ADGRB3: variants seen among roughly 807,000 people sequenced by gnomAD.
The protein encoded by ADGRB3 is brain-specific angiogenesis inhibitor 3.
In ADGRB3, 37 loss-of-function variants were observed where a neutral mutation model predicts 193.4. The ratio of observed to expected loss-of-function variants is 0.19; its 90% CI spans 0.15 to 0.25. The LOEUF (loss-of-function observed/expected upper bound fraction) is 0.25, where lower values mean the gene tolerates loss of function less well. Among genes scored for constraint, ADGRB3 ranks in the 10% least tolerant of loss-of-function variants. The pLI is 1.00. For synonymous variants in ADGRB3, 690 were observed against 644.2 expected, an observed-to-expected ratio of 1.07 and a Z score of -1.08; for missense variants, 1,637 against 1,852.9, an observed-to-expected ratio of 0.88 and a Z score of 2.14.
intron 10 of ADGRB3, among the ~76,000 whole-genome samples, chr6:68,987,229 C>A (rs1212786860): frequency 6.6e-6 from 1 of 151,998 alleles, no homozygotes; most frequent in Admixed American, 6.6e-5. Flanking sequence ...GATTAAATTA[C>A]AATAATCAAA....
chr6:69,132,403 G>C (rs1176106735), intron 17 of ADGRB3, among the ~76,000 whole-genome samples: 2 of 152,090 alleles, frequency 1.3e-5, no homozygotes, highest in Non-Finnish European at 2.9e-5. Context: ...CCATATGTTT[G>C]TTGGCCACAT....
At chr6:69,284,107 T>C (rs1290512407) in intron 20 of ADGRB3, among the ~76,000 whole-genome samples, 3 of 152,184 alleles carry the variant, frequency 2.0e-5, no homozygotes, top group African/African-American at 7.2e-5. Context: ...TTCTCATTGT[T>C]CTTGAGATTT....
At chr6:68,914,088 T>G (rs1332199317) in intron 3 of ADGRB3, among the ~76,000 whole-genome samples, 15 of 151,486 alleles carry the variant, frequency 9.9e-5, no homozygotes, top group Admixed American at 5.9e-4. Flanking sequence ...GAAAGTGATG[T>G]GGAGAATGGA....
At chr6:68,687,112 AT>A (rs1764997007) in intron 3 of ADGRB3, among the ~76,000 whole-genome samples, 1 of 151,926 alleles carries the variant, frequency 6.6e-6, no homozygotes, top group Admixed American at 6.6e-5. Context: ...TATATATCAT[AT>A]TTTTTCTCAT....
At chr6:68,817,340 TA>T (rs1767655952) in intron 3 of ADGRB3, among the ~76,000 whole-genome samples, 1 of 110,826 alleles carries the variant, frequency 9.0e-6, no homozygotes, top group African/African-American at 4.6e-5. Flanking sequence ...TATATATATA[TA>T]TATATATATA....
intron 17 of ADGRB3, among the ~76,000 whole-genome samples, chr6:69,083,841 C>T (rs1772468561): frequency 6.9e-6 from 1 of 145,444 alleles, no homozygotes; most frequent in Non-Finnish European, 1.5e-5. Flanking sequence ...GTGGCACGAT[C>T]TCGGCTCACT....
At chr6:69,302,834 CAT>C (rs1341647015) in intron 20 of ADGRB3, among the ~76,000 whole-genome samples, 7 of 151,940 alleles carry the variant, frequency 4.6e-5, no homozygotes, top group Admixed American at 1.3e-4. Flanking sequence ...ATATATTGCA[CAT>C]GTCTTCACAA....
chr6:69,040,307 C>CTCTTTCTTTCTTTCTTTCTT (rs58811960), intron 13 of ADGRB3, among the ~76,000 whole-genome samples: 1,536 of 94,784 alleles, frequency 0.016, 60 homozygotes, highest in Middle Eastern at 0.05. Context: ...CTTTCTCTGT[C>CTCTTTCTTTCTTTCTTTCTT]TCTTTCTTTC....
intron 13 of ADGRB3, among the ~76,000 whole-genome samples, chr6:69,047,913 GC>G (rs1321262132): frequency 6.6e-6 from 1 of 152,092 alleles, no homozygotes; most frequent in Non-Finnish European, 1.5e-5. Flanking sequence ...ATATAGCAGT[GC>G]CTGTTAATAC....
intron 17 of ADGRB3, among the ~76,000 whole-genome samples, chr6:69,181,997 A>T (rs540564721): frequency 7.9e-4 from 121 of 152,306 alleles, no homozygotes; most frequent in African/African-American, 2.8e-3. Flanking sequence ...GAGGACCTTT[A>T]TGACAGTTGT....
intron 15 of ADGRB3, among the ~76,000 whole-genome samples, chr6:69,059,614 T>C (rs1326388086): frequency 6.6e-6 from 1 of 152,134 alleles, no homozygotes; most frequent in Admixed American, 6.6e-5. Flanking sequence ...TTTCTAGCAG[T>C]GAATGCAAAT....
Position 68,681,434 on chromosome 6 carries a change from C to T in ADGRB3, c.757+42002C>T, listed in dbSNP as rs1441697185. ...AGCTAGGACTACAAGCATGTGCCAC[C>T]ACATCTGGCCAATCTTTCTCATTTT... On this transcript the variant is annotated intron_variant, in intron 3 of 31. Transcript: ENST00000370598. Among the ~76,000 whole-genome samples the T allele has an allele frequency of 2.0e-5, 3 of 152,050 alleles. No homozygotes were observed. The East Asian group carries it at 5.8e-4, about 29-fold the overall frequency.
intron 3 of ADGRB3, among the ~76,000 whole-genome samples, chr6:68,831,803 T>C (rs1279466768): frequency 6.6e-6 from 1 of 152,216 alleles, no homozygotes; most frequent in African/African-American, 2.4e-5. Flanking sequence ...CATAGTTATA[T>C]CTTGAATTAC....
At chr6:69,383,042 G>C in intron 31 of ADGRB3, 107 bp downstream of exon 31, 3 of 593,732 alleles carry the variant, frequency 5.1e-6, no homozygotes, top group Non-Finnish European at 7.9e-6. Flanking sequence ...AGTCTACATA[G>C]AAAAAAAAAG....
chr6:68,657,592 C>T (rs1013758619), intron 3 of ADGRB3, among the ~76,000 whole-genome samples: 5 of 151,320 alleles, frequency 3.3e-5, no homozygotes, highest in African/African-American at 9.7e-5. Flanking sequence ...TGGTTTTGTT[C>T]TGATGGGATT....
At chr6:68,829,818 G>A (rs1234296964) in intron 3 of ADGRB3, among the ~76,000 whole-genome samples, 1 of 151,964 alleles carries the variant, frequency 6.6e-6, no homozygotes, top group Non-Finnish European at 1.5e-5. Context: ...TCATGTAACA[G>A]GAGTTCTATT....
intron 3 of ADGRB3, among the ~76,000 whole-genome samples, chr6:68,876,526 AG>A (rs1451102418): frequency 6.6e-6 from 1 of 152,222 alleles, no homozygotes; most frequent in East Asian, 1.9e-4. Context: ...AAGGATTGCT[AG>A]ATTGTGTGAA....
intron 16 of ADGRB3, among the ~76,000 whole-genome samples, chr6:69,073,639 A>G (rs1252259227): frequency 6.6e-6 from 1 of 152,124 alleles, no homozygotes; most frequent in African/African-American, 2.4e-5. Flanking sequence ...TGAACCTCCC[A>G]AGGCTCACCC....
At chr6:68,847,948 T>C (rs1178299431) in intron 3 of ADGRB3, among the ~76,000 whole-genome samples, 2 of 150,768 alleles carry the variant, frequency 1.3e-5, no homozygotes, top group Non-Finnish European at 3.0e-5. Flanking sequence ...GAAAGTGATA[T>C]CAACTAAGTA....
Sources: gnomAD v4.1 joint callset for allele counts (sites outside exome capture counted in the v4.1 genomes callset) on GRCh38, gnomAD v4.1.1 for gene constraint, MANE v1.5 for transcripts, NCBI Gene and HGNC (gene_info 2026-07-23, HGNC 2026-07-21) for gene names.